Variants in SLC5A4 observed in about 807,000 individuals in gnomAD.
SLC5A4 encodes probable glucose sensor protein SLC5A4.
In SLC5A4, 55 loss-of-function variants were observed where a neutral mutation model predicts 70.3. The ratio of observed to expected loss-of-function variants is 0.78; its 90% confidence interval spans 0.63 to 0.98. The LOEUF (loss-of-function observed/expected upper bound fraction) is 0.98. Ranked by LOEUF, SLC5A4 falls within the 50% of genes least tolerant of loss-of-function variation. The pLI, the probability that SLC5A4 is intolerant of heterozygous loss-of-function variation, is 0.00. For missense variants in SLC5A4, 735 were observed against 839.2 expected (o/e 0.88, Z 1.53); for synonymous variants, 268 against 305.7 (o/e 0.88, Z 1.29).
chr22:32,269,501 G>A, the SLC5A4 span: 21 of 580,252 alleles, frequency 3.6e-5, no homozygotes, highest in East Asian at 3.0e-4. The surrounding 1 kb of genome is among the most constrained non-coding windows in gnomAD (Gnocchi z 4.1). Context: ...GCCCGGGCAC[G>A]TGGCTGTGTG....
chr22:32,220,836 G>C, intron 14 of SLC5A4, 84 bp downstream of exon 14: 1 of 911,202 alleles, frequency 1.1e-6, no homozygotes, highest in Non-Finnish European at 1.8e-6. Context: ...TTCGGAAGCT[G>C]GATTTAATGA....
chr22:32,331,945 G>GC, the SLC5A4 span, among the ~76,000 whole-genome samples: 4 of 152,030 alleles, frequency 2.6e-5, no homozygotes, highest in African/African-American at 9.7e-5. Context: ...AGCCACATCT[G>GC]CCCCAAGGTC....
the SLC5A4 span, among the ~76,000 whole-genome samples, chr22:32,267,036 T>A: frequency 2.5e-4 from 38 of 152,338 alleles, no homozygotes; most frequent in African/African-American, 9.1e-4. Flanking sequence ...AATTTGAAAT[T>A]AGCTCCATTC....
chr22:32,333,599 G>C, the SLC5A4 span, among the ~76,000 whole-genome samples: 1 of 152,070 alleles, frequency 6.6e-6, no homozygotes, highest in Non-Finnish European at 1.5e-5. Flanking sequence ...TGGTGCCCTT[G>C]CATCTCCGTG....
the SLC5A4 span, among the ~76,000 whole-genome samples, chr22:32,309,528 C>T: frequency 0.051 from 7,696 of 152,198 alleles, 369 homozygotes; most frequent in Admixed American, 0.15. Flanking sequence ...TCTTGTTTCT[C>T]AGGGACACTC....
chr22:32,307,207 T>G, the SLC5A4 span, among the ~76,000 whole-genome samples: 1 of 151,600 alleles, frequency 6.6e-6, no homozygotes, highest in Admixed American at 6.6e-5. Context: ...TTCAGTCTGT[T>G]AAGGGCAAAT....
chr22:32,249,308 C>T (rs934892595), intron 3 of SLC5A4, among the ~76,000 whole-genome samples: 5 of 152,166 alleles, frequency 3.3e-5, no homozygotes, highest in Non-Finnish European at 5.9e-5. Flanking sequence ...CACAGTTATT[C>T]TTATCTTAGA....
At chr22:32,338,427 T>C in the SLC5A4 span, among the ~76,000 whole-genome samples, 1 of 152,194 alleles carries the variant, frequency 6.6e-6, no homozygotes, top group East Asian at 1.9e-4. Flanking sequence ...GGCAGGTGGA[T>C]TGCTTGAGGT....
the SLC5A4 span, among the ~76,000 whole-genome samples, chr22:32,329,430 G>A: frequency 1.3e-5 from 2 of 151,974 alleles, no homozygotes; most frequent in East Asian, 1.9e-4. Flanking sequence ...ATGCTTGAGG[G>A]AATTTTTACT....
intron 14 of SLC5A4, 63 bp from the exon 15 acceptor site, chr22:32,218,788 G>C: frequency 8.2e-7 from 1 of 1,224,004 alleles, no homozygotes; most frequent in Non-Finnish European, 1.2e-6. Context: ...AGAAATCCTT[G>C]TCAGTGTAGT....
chr22:32,282,898 C>T, the SLC5A4 span, among the ~76,000 whole-genome samples: 7 of 152,222 alleles, frequency 4.6e-5, no homozygotes, highest in African/African-American at 1.7e-4. Context: ...CACCCGGCCC[C>T]GTTTCCATCC....
intron 5 of SLC5A4, among the ~76,000 whole-genome samples, chr22:32,239,826 C>G (rs1334889238): frequency 6.7e-6 from 1 of 148,270 alleles, no homozygotes; most frequent in Non-Finnish European, 1.5e-5. Context: ...AGATTGAGAC[C>G]ATCCTGGCTA....
At chr22:32,347,533 T>G in the SLC5A4 span, among the ~76,000 whole-genome samples, 3 of 151,848 alleles carry the variant, frequency 2.0e-5, no homozygotes, top group East Asian at 1.9e-4. Flanking sequence ...CCATAAAAAA[T>G]GATGAGTTCA....
chr22:32,322,485 T>C, the SLC5A4 span, among the ~76,000 whole-genome samples: 1 of 151,666 alleles, frequency 6.6e-6, no homozygotes, highest in Non-Finnish European at 1.5e-5. Flanking sequence ...CTCAGGAGGC[T>C]GAGGCAGGAA....
chr22:32,281,682 G>T, the SLC5A4 span, among the ~76,000 whole-genome samples: 1 of 152,006 alleles, frequency 6.6e-6, no homozygotes, highest in Non-Finnish European at 1.5e-5. Context: ...AGAAACAGGG[G>T]TCTCATTATG....
chr22:32,274,485 C>G, the SLC5A4 span, among the ~76,000 whole-genome samples: 3 of 151,982 alleles, frequency 2.0e-5, no homozygotes, highest in Non-Finnish European at 4.4e-5. Flanking sequence ...AAGTTCATGG[C>G]CCACTTACAC....
the SLC5A4 span, chr22:32,269,632 T>A: frequency 5.0e-5 from 30 of 604,058 alleles, no homozygotes; most frequent in East Asian, 1.2e-3. The surrounding 1 kb of genome is among the most constrained non-coding windows in gnomAD (Gnocchi z 4.1). Context: ...CCCAAGCCCA[T>A]AGGTGGGGTG....
chr22:32,221,396 G>C (rs973922322), intron 13 of SLC5A4, among the ~76,000 whole-genome samples: 2 of 152,104 alleles, frequency 1.3e-5, no homozygotes, highest in Admixed American at 6.5e-5. Context: ...AGTTTATCTA[G>C]TGGTTGCTTT....
At chr22:32,339,494 A>G in the SLC5A4 span, among the ~76,000 whole-genome samples, 1 of 152,174 alleles carries the variant, frequency 6.6e-6, no homozygotes, top group Non-Finnish European at 1.5e-5. Context: ...GGTTTGCTAG[A>G]GTAGAGTACA....
Sources: allele counts gnomAD v4.1 joint callset (sites outside exome capture counted in the v4.1 genomes callset), GRCh38; gene constraint gnomAD v4.1.1; non-coding constraint Gnocchi (gnomAD v3.1); transcripts MANE v1.5; gene names NCBI Gene and HGNC (gene_info 2026-07-23, HGNC 2026-07-21).